NDUFAF5: variants seen among roughly 807,000 people sequenced by gnomAD.
The protein encoded by NDUFAF5 is arginine-hydroxylase NDUFAF5, mitochondrial.
In NDUFAF5, 34 loss-of-function variants were observed where a neutral mutation model predicts 48.9. That is an observed-to-expected ratio of 0.70 (90% confidence interval 0.53 to 0.93). NDUFAF5 has a LOEUF of 0.93. Among genes scored for constraint, NDUFAF5 ranks in the 40% least tolerant of loss-of-function variants. NDUFAF5 has a pLI of 0.00. For synonymous variants in NDUFAF5, 153 were observed against 150.6 expected, an observed-to-expected ratio of 1.02 and a Z score of -0.12; for missense variants, 428 against 427.5, an observed-to-expected ratio of 1.00 and a Z score of -0.01.
intron 10 of NDUFAF5, 39 bp downstream of exon 10, chr20:13,816,996 C>A: frequency 6.4e-7 from 1 of 1,552,002 alleles, no homozygotes; most frequent in Non-Finnish European, 8.9e-7. Flanking sequence ...TTAGTGGGTT[C>A]GTGTTCAGAT....
intron 7 of NDUFAF5, among the ~76,000 whole-genome samples, chr20:13,806,231 GGC>G (rs1228266803): frequency 6.6e-6 from 1 of 152,196 alleles, no homozygotes; most frequent in African/African-American, 2.4e-5. Context: ...TGCAAGGCCT[GGC>G]ACGGTGGCTC....
chr20:13,793,649 C>T (rs2147510052), intron 4 of NDUFAF5, among the ~76,000 whole-genome samples: 1 of 152,254 alleles, frequency 6.6e-6, no homozygotes, highest in East Asian at 1.9e-4. Context: ...TATTGAAGGG[C>T]AGTTACGTTT....
intron 1 of NDUFAF5, among the ~76,000 whole-genome samples, chr20:13,786,899 T>C (rs1414232133): frequency 6.6e-6 from 1 of 152,216 alleles, no homozygotes; most frequent in Non-Finnish European, 1.5e-5. Flanking sequence ...AGAGTTTTTC[T>C]TAAGTGACCA....
At position 13,819,357 on chromosome 20, in the gene NDUFAF5, TTTTTTTA is replaced by T. The variant is rs1456454071; in HGVS notation, c.*2159_*2165del. On this transcript the variant is annotated 3_prime_UTR_variant, in exon 11 of 11. Transcript: ENST00000378106. ...AATAATCATCTTTTTTGTTGGTTTA[TTTTTTTA>T]TTTTTTATTTTATTTTATTTTTTGA... 6 of 151,912 alleles carry T rather than the reference TTTTTTTA, an allele frequency of 3.9e-5. No homozygotes were observed. Among genetic ancestry groups the T allele is most frequent in the African/African-American group, 1.2e-4 (5 of 41,216 alleles). The allele number at this position is 151,912 out of a possible 1,614,324, so 9.4% of individuals were successfully genotyped here.
chr20:13,817,235 C>T lies in NDUFAF5; in HGVS notation c.*25C>T. 6.5e-7 allele frequency: 1 copy of T among 1,536,646 alleles called. No homozygotes were observed. Among genetic ancestry groups the T allele is most frequent in the Non-Finnish European group, 9.0e-7 (1 of 1,109,404 alleles). ...AATATTTATTCAGTGTTAATGTCGT[C>T]CAGAATTTTCATCAGAAATGGATAG... is the stretch of plus-strand genomic sequence containing the variant. On this transcript the variant is annotated 3_prime_UTR_variant, in exon 11 of 11. Transcript: ENST00000378106.
intron 1 of NDUFAF5, 85 bp downstream of exon 1, chr20:13,785,375 T>C: frequency 8.3e-7 from 1 of 1,199,630 alleles, no homozygotes; most frequent in South Asian, 1.4e-5. Context: ...GGCCCCGAGC[T>C]CACCCCACCT....
At chr20:13,797,138 TG>T (rs1983364003) in intron 5 of NDUFAF5, among the ~76,000 whole-genome samples, 1 of 152,196 alleles carries the variant, frequency 6.6e-6, no homozygotes, top group Admixed American at 6.5e-5. Flanking sequence ...AGTTCATTAT[TG>T]GTGGGAATGC....
chr20:13,801,971 A>G, intron 7 of NDUFAF5: 1 of 341,612 alleles, frequency 2.9e-6, no homozygotes, highest in South Asian at 3.1e-5. Flanking sequence ...CTCCATTAGA[A>G]TCTTCAAATC....
intron 9 of NDUFAF5, 146 bp from the exon 10 acceptor site, chr20:13,816,729 A>G (rs920674808): frequency 4.0e-6 from 3 of 751,934 alleles, no homozygotes; most frequent in African/African-American, 3.5e-5. Context: ...CCTTACCCTC[A>G]GTATTAAGAA....
At position 13,818,072 on chromosome 20, in the gene NDUFAF5, C is replaced by T. The variant is rs1986695905; in HGVS notation, c.*862C>T. ...AACCTGGGCACTGCCCTAGCCTCAT[C>T]TTCAGCCTTCAGTGATCTATAATAG... On this transcript the variant is annotated 3_prime_UTR_variant, in exon 11 of 11. Coordinates refer to ENST00000378106, the MANE Select transcript of NDUFAF5 (RefSeq NM_024120.5). 2.2e-6 allele frequency: 1 copy of T among 453,952 alleles called. No individual in the cohort carries two copies. Among genetic ancestry groups the T allele is most frequent in the Non-Finnish European group, 4.4e-6 (1 of 226,802 alleles). 28.1% of individuals were successfully genotyped at this position (453,952 alleles called of 1,614,324 possible). A position where few individuals can be genotyped will look rare whatever the true frequency, so the allele number is the denominator to read the frequency against.
chr20:13,791,646 C>T (rs1230111928), intron 3 of NDUFAF5, among the ~76,000 whole-genome samples: 1 of 152,202 alleles, frequency 6.6e-6, no homozygotes, highest in African/African-American at 2.4e-5. Flanking sequence ...AGTTTAAACA[C>T]AGAGACATTT....
At chr20:13,817,015 A>T in intron 10 of NDUFAF5, 58 bp downstream of exon 10, 1 of 1,543,530 alleles carries the variant, frequency 6.5e-7, no homozygotes, top group Non-Finnish European at 9.0e-7. Flanking sequence ...ATTATTGTTT[A>T]CTAACTTGGG....
At chr20:13,787,382 A>G in intron 2 of NDUFAF5, 30 bp downstream of exon 2, 1 of 1,606,442 alleles carries the variant, frequency 6.2e-7, no homozygotes, top group South Asian at 1.1e-5. Flanking sequence ...ATACAATACC[A>G]TCAACTTTTG....
rs993929201 is a variant in NDUFAF5 at position 13,819,212 on chromosome 20, T to G, written c.*2002T>G. On this transcript the variant is annotated 3_prime_UTR_variant, in exon 11 of 11. Transcript: ENST00000378106. ...TGTTTGGAGCCCTCAGGAAACTAAT[T>G]TTTCTGAATAACCACATTTTCCAAA... The G allele has an allele frequency of 6.6e-6, 1 of 152,168 alleles. No individual in the cohort carries two copies. The highest frequency in any genetic ancestry group is 1.5e-5 in the Non-Finnish European group (1 of 68,024). 9.4% of individuals were successfully genotyped at this position (152,168 alleles called of 1,614,324 possible). A position where few individuals can be genotyped will look rare whatever the true frequency, so the allele number is the denominator to read the frequency against.
chr20:13,785,084 G>A lies in NDUFAF5; in HGVS notation c.16G>A (p.Gly6Arg), dbSNP rs369614601. 15 of 1,612,198 alleles carry A rather than the reference G, an allele frequency of 9.3e-6. No homozygotes were observed. In the African/African-American group the frequency reaches 1.1e-4, roughly 11 times the overall value. The change falls in exon 1 of 11, where the codon GGG becomes AGG. Residue 6 changes from glycine (G) to arginine (R), a missense_variant. By Grantham distance (125) the Gly-to-Arg change is moderately radical (BLOSUM62 -2). Coordinates refer to ENST00000378106, the MANE Select transcript of NDUFAF5 (RefSeq NM_024120.5). ...GCAGCTGGAGATGCTGCGGCCGGCA[G>A]GGCTCTGGCGCTTATGTCGGCGACC... MLRPA[G>R]LWRLCRRPWA...
chr20:13,793,739 G>T (rs985013162), intron 4 of NDUFAF5, among the ~76,000 whole-genome samples: 10 of 151,972 alleles, frequency 6.6e-5, no homozygotes, highest in Admixed American at 3.9e-4. Context: ...TTTTTCCGTG[G>T]GTATAAATTC....
At chr20:13,791,886 A>T (rs1982339292) in intron 3 of NDUFAF5, among the ~76,000 whole-genome samples, 1 of 152,208 alleles carries the variant, frequency 6.6e-6, no homozygotes, top group Non-Finnish European at 1.5e-5. Context: ...AGGGTAGCTG[A>T]AGCTAGCTTA....
chr20:13,800,888 C>T (rs1222246096), intron 6 of NDUFAF5, among the ~76,000 whole-genome samples: 4 of 152,172 alleles, frequency 2.6e-5, no homozygotes. Flanking sequence ...CTCTGCCCTA[C>T]ATCTCTCCTC....
intron 3 of NDUFAF5, among the ~76,000 whole-genome samples, chr20:13,791,302 A>G (rs1982241132): frequency 1.3e-5 from 2 of 152,248 alleles, no homozygotes; most frequent in Admixed American, 6.5e-5. Context: ...GTGTATACTC[A>G]GACCTTGGGC....
Sources: allele counts gnomAD v4.1 joint callset (sites outside exome capture counted in the v4.1 genomes callset), GRCh38; gene constraint gnomAD v4.1.1; transcripts MANE v1.5; gene names NCBI Gene and HGNC (gene_info 2026-07-23, HGNC 2026-07-21).